Variants in TRPC4 observed in about 807,000 individuals in gnomAD.
TRPC4 encodes the protein short transient receptor potential channel 4.
TRPC4 carries 49 observed loss-of-function variants against 99.4 expected under a neutral mutation model. The ratio of observed to expected loss-of-function variants is 0.49; its 90% confidence interval spans 0.39 to 0.63. TRPC4 has a LOEUF of 0.63. Ranked by LOEUF, TRPC4 falls within the 20% of genes least tolerant of loss-of-function variation. The probability of loss-of-function intolerance (pLI) is 0.00; values close to 1 mark genes in which losing one functional copy is unlikely to be tolerated. For missense variants in TRPC4, 898 were observed against 1,152.9 expected, an observed-to-expected ratio of 0.78 and a Z score of 3.20; for synonymous variants, 454 against 425.9, an observed-to-expected ratio of 1.07 and a Z score of -0.81.
At chr13:37,843,396 G>A (rs1194984703) in intron 1 of TRPC4, among the ~76,000 whole-genome samples, 2 of 152,036 alleles carry the variant, frequency 1.3e-5, no homozygotes, top group Non-Finnish European at 2.9e-5. Flanking sequence ...TAGCTATTTG[G>A]AATTACAGAA....
intron 1 of TRPC4, among the ~76,000 whole-genome samples, chr13:37,806,880 T>A (rs1957540869): frequency 6.6e-6 from 1 of 152,042 alleles, no homozygotes; most frequent in African/African-American, 2.4e-5. Flanking sequence ...GTGGGCGCTG[T>A]CTCCTGGCCT....
At chr13:37,641,549 ATAAT>A (rs2138545161) in intron 8 of TRPC4, among the ~76,000 whole-genome samples, 2 of 152,320 alleles carry the variant, frequency 1.3e-5, no homozygotes, top group South Asian at 2.1e-4. Flanking sequence ...CGCTCACCAA[ATAAT>A]TAATGCTAAA....
chr13:37,731,052 A>G (rs1451828565), intron 3 of TRPC4, among the ~76,000 whole-genome samples: 1 of 151,936 alleles, frequency 6.6e-6, no homozygotes, highest in Non-Finnish European at 1.5e-5. Flanking sequence ...AGTTATTAAG[A>G]AAAAAAATTC....
intron 3 of TRPC4, among the ~76,000 whole-genome samples, chr13:37,719,256 G>A (rs1359452649): frequency 6.6e-6 from 1 of 152,118 alleles, no homozygotes; most frequent in Non-Finnish European, 1.5e-5. Flanking sequence ...GCTGAGGTGG[G>A]AGAATCACCT....
intron 1 of TRPC4, among the ~76,000 whole-genome samples, chr13:37,822,063 G>C (rs1045978759): frequency 7.2e-5 from 11 of 152,012 alleles, no homozygotes; most frequent in Non-Finnish European, 1.5e-4. Flanking sequence ...AAATGCATTT[G>C]ACAAAGGTCT....
At chr13:37,688,999 T>C (rs1953587293) in intron 4 of TRPC4, among the ~76,000 whole-genome samples, 1 of 152,168 alleles carries the variant, frequency 6.6e-6, no homozygotes. Flanking sequence ...AATATAGTCA[T>C]CAAATCAGAC....
At chr13:37,738,779 C>G (rs1337909293) in intron 3 of TRPC4, among the ~76,000 whole-genome samples, 2 of 152,106 alleles carry the variant, frequency 1.3e-5, no homozygotes, top group Admixed American at 1.3e-4. Flanking sequence ...AGACTCTAAG[C>G]AGTGACGGTG....
At chr13:37,682,471 G>C (rs1953281769) in intron 4 of TRPC4, among the ~76,000 whole-genome samples, 1 of 152,174 alleles carries the variant, frequency 6.6e-6, no homozygotes, top group Admixed American at 6.5e-5. Context: ...GGACCTCTAA[G>C]AGGCACTCAG....
At chr13:37,745,507 T>TATATAC (rs1566138564) in intron 3 of TRPC4, among the ~76,000 whole-genome samples, 114 of 128,636 alleles carry the variant, frequency 8.9e-4, no homozygotes, top group African/African-American at 2.9e-3. Context: ...TACGTATATA[T>TATATAC]GTATATATAT....
At chr13:37,815,177 C>G (rs1018042963) in intron 1 of TRPC4, among the ~76,000 whole-genome samples, 2 of 151,576 alleles carry the variant, frequency 1.3e-5, no homozygotes, top group Non-Finnish European at 3.0e-5. Flanking sequence ...AAATTCAATT[C>G]AAAAAGGATC....
At chr13:37,816,020 A>G (rs970683487) in intron 1 of TRPC4, among the ~76,000 whole-genome samples, 5 of 151,974 alleles carry the variant, frequency 3.3e-5, no homozygotes, top group African/African-American at 1.2e-4. Flanking sequence ...GATAAACAGT[A>G]AAATTAAGGC....
intron 2 of TRPC4, among the ~76,000 whole-genome samples, chr13:37,748,464 G>A (rs913303617): frequency 6.6e-6 from 1 of 151,914 alleles, no homozygotes; most frequent in South Asian, 2.1e-4. Context: ...TATCCATACA[G>A]AATGGCATAC....
intron 1 of TRPC4, among the ~76,000 whole-genome samples, chr13:37,800,007 A>T (rs1260221289): frequency 6.6e-6 from 1 of 152,222 alleles, no homozygotes; most frequent in Non-Finnish European, 1.5e-5. Flanking sequence ...GCGATATAAT[A>T]TCTACAAAGT....
At position 37,637,332 on chromosome 13, in the gene TRPC4, T is replaced by C; in HGVS notation, c.2505A>G (p.Lys835=). The C allele has an allele frequency of 6.2e-7, 1 of 1,613,850 alleles. No homozygotes were observed. Among genetic ancestry groups the C allele is most frequent in the Non-Finnish European group, 8.5e-7 (1 of 1,179,876 alleles). The change falls in exon 11 of 11, where the codon AAA becomes AAG. Residue 835 remains lysine (K), a synonymous_variant. Coordinates refer to ENST00000379705, the MANE Select transcript of TRPC4 (RefSeq NM_016179.4). ...TTTTGATATCGGTCACAAAATTCAC[T>C]TTTCTCTGCTTCTCCCTGGGCGGCT... is the stretch of plus-strand genomic sequence containing the variant. ...VQEPPREKQR[K]VNFVTDIKNF... is the part of the protein sequence containing the mutation.
intron 2 of TRPC4, among the ~76,000 whole-genome samples, chr13:37,759,088 T>G (rs17263147): frequency 0.068 from 10,345 of 151,786 alleles, 444 homozygotes; most frequent in Non-Finnish European, 0.091. Flanking sequence ...TAGTGAGAGA[T>G]ATGAATCACT....
chr13:37,864,255 C>CT (rs1223030135), intron 1 of TRPC4, among the ~76,000 whole-genome samples: 8 of 151,566 alleles, frequency 5.3e-5, no homozygotes, highest in African/African-American at 1.7e-4. Flanking sequence ...TCTTTCAACT[C>CT]TAACTACTCC....
At chr13:37,797,847 T>C (rs1957298944) in intron 1 of TRPC4, among the ~76,000 whole-genome samples, 1 of 152,216 alleles carries the variant, frequency 6.6e-6, no homozygotes, top group South Asian at 2.1e-4. Flanking sequence ...AAGTTTATGA[T>C]GGATTGCCGT....
At chr13:37,836,498 A>C (rs1181764116) in intron 1 of TRPC4, among the ~76,000 whole-genome samples, 1 of 152,124 alleles carries the variant, frequency 6.6e-6, no homozygotes, top group African/African-American at 2.4e-5. Flanking sequence ...GAGATGAGAA[A>C]ATTTTTGGGA....
intron 1 of TRPC4, among the ~76,000 whole-genome samples, chr13:37,859,751 A>G (rs1026717347): frequency 6.6e-6 from 1 of 151,516 alleles, no homozygotes; most frequent in African/African-American, 2.4e-5. Context: ...TTAATCTGTC[A>G]AGATACATGT....
Sources: gnomAD v4.1 joint callset for allele counts (sites outside exome capture counted in the v4.1 genomes callset) on GRCh38, gnomAD v4.1.1 for gene constraint, MANE v1.5 for transcripts, NCBI Gene and HGNC (gene_info 2026-07-23, HGNC 2026-07-21) for gene names.